Variants in SEC24D observed in about 807,000 individuals in gnomAD.
The protein encoded by SEC24D is SEC24 homolog D, COPII component.
SEC24D carries 69 observed loss-of-function variants against 116.9 expected under a neutral mutation model. The ratio of observed to expected loss-of-function variants is 0.59; its 90% confidence interval spans 0.49 to 0.72. The LOEUF (loss-of-function observed/expected upper bound fraction) is 0.72. Ranked by LOEUF, SEC24D falls within the 30% of genes least tolerant of loss-of-function variation. SEC24D has a pLI of 0.00. For missense variants in SEC24D, 1,131 were observed against 1,264.1 expected (o/e 0.89, Z 1.60); for synonymous variants, 405 against 442.8 (o/e 0.91, Z 1.07).
intron 15 of SEC24D, among the ~76,000 whole-genome samples, chr4:118,741,937 A>C (rs982186457): frequency 3.9e-5 from 6 of 152,220 alleles, no homozygotes; most frequent in Non-Finnish European, 8.8e-5. Context: ...TCAGTTTTGC[A>C]ACAACTGGAG....
intron 7 of SEC24D, among the ~76,000 whole-genome samples, chr4:118,802,439 T>G (rs558014951): frequency 4.0e-4 from 61 of 152,318 alleles, no homozygotes; most frequent in African/African-American, 1.4e-3. Context: ...CTCTATATTG[T>G]ACTTATGTCT....
At chr4:118,790,686 A>C (rs2110497158) in intron 8 of SEC24D, among the ~76,000 whole-genome samples, 1 of 152,080 alleles carries the variant, frequency 6.6e-6, no homozygotes, top group South Asian at 2.1e-4. Context: ...AATATTCCTA[A>C]GGAACATCCT....
chr4:118,765,051 T>C, intron 9 of SEC24D, 134 bp from the exon 10 acceptor site: 1 of 575,076 alleles, frequency 1.7e-6, no homozygotes. Flanking sequence ...GAATGTAGTA[T>C]ACCGTAAATA....
chr4:118,756,201 T>C (rs1238598735), intron 11 of SEC24D, among the ~76,000 whole-genome samples: 4 of 152,000 alleles, frequency 2.6e-5, no homozygotes, highest in Non-Finnish European at 4.4e-5. Flanking sequence ...ACCAACCCCA[T>C]GAGAGAGTTC....
intron 13 of SEC24D, among the ~76,000 whole-genome samples, chr4:118,748,304 G>GA (rs539358519): frequency 0.018 from 2,704 of 149,764 alleles, 73 homozygotes; most frequent in African/African-American, 0.057. Context: ...AACTCTGAGG[G>GA]AAAAAAAAAT....
In SEC24D at chr4:118,745,075, AAAC is replaced by A; in HGVS notation, c.1708-18_1708-16del. ...CAGTCTGCTGCCTAAAAAAAAAAAA[AAAC>A]CCAAAAACCCACAGAAAATGCCGTG... On this transcript the variant is annotated splice_polypyrimidine_tract_variant and intron_variant, in intron 13 of 22. Transcript: ENST00000280551. 1 of 1,426,534 alleles carries A rather than the reference AAAC, an allele frequency of 7.0e-7. No homozygotes were observed. The highest frequency in any genetic ancestry group is 9.7e-7 in the Non-Finnish European group (1 of 1,035,174). 88.4% of individuals were successfully genotyped at this position (1,426,534 alleles called of 1,614,324 possible).
intron 8 of SEC24D, among the ~76,000 whole-genome samples, chr4:118,790,326 T>C (rs527666516): frequency 6.6e-6 from 1 of 152,334 alleles, no homozygotes; most frequent in East Asian, 1.9e-4. Context: ...TAATTGCATG[T>C]ATAATTAGAC....
chr4:118,826,497 T>C (rs1382536942), intron 2 of SEC24D, among the ~76,000 whole-genome samples: 1 of 152,236 alleles, frequency 6.6e-6, no homozygotes, highest in African/African-American at 2.4e-5. Flanking sequence ...CACATTTATA[T>C]TTTCATTTTA....
At chr4:118,809,807 C>T (rs1293067757) in intron 6 of SEC24D, among the ~76,000 whole-genome samples, 4 of 152,208 alleles carry the variant, frequency 2.6e-5, no homozygotes, top group Non-Finnish European at 5.9e-5. Context: ...ACAAATAACA[C>T]ATCCAACATC....
chr4:118,736,420 AAGT>A lies in SEC24D; in HGVS notation c.2496+1838_2496+1840del, dbSNP rs1215072290. The A allele has an allele frequency of 1.9e-5, 3 of 159,538 alleles. No individual in the cohort carries two copies. In the Admixed American group the frequency reaches 2.0e-4, roughly 10 times the overall value. 9.9% of individuals were successfully genotyped at this position (159,538 alleles called of 1,614,324 possible). Reference sequence around the variant, plus strand: ...AGTTTTGGCTCCAGCAATTCAGTAAAAGTAGTTCTACTGAGGTCCAGTATCATA... The same window carrying A: ...AGTTTTGGCTCCAGCAATTCAGTAAAAGTTCTACTGAGGTCCAGTATCATA... On this transcript the variant is annotated intron_variant, in intron 19 of 22. Transcript: ENST00000280551.
chr4:118,744,918 T>G (rs1726429979), intron 14 of SEC24D, 26 bp downstream of exon 14: 3 of 1,239,242 alleles, frequency 2.4e-6, no homozygotes, highest in Non-Finnish European at 3.6e-6. Context: ...AATTGACATA[T>G]GGATACTCAA....
At chr4:118,827,000 T>C (rs921547005) in intron 2 of SEC24D, among the ~76,000 whole-genome samples, 2 of 152,166 alleles carry the variant, frequency 1.3e-5, no homozygotes, top group Non-Finnish European at 2.9e-5. Context: ...CCTGGGGGAA[T>C]TGAGAAGAGT....
At chr4:118,825,671 GAAAGAAAAAAAGAGA>G (rs921390254) in intron 2 of SEC24D, 30 of 418,374 alleles carry the variant, frequency 7.2e-5, no homozygotes, top group East Asian at 1.4e-4. Context: ...CTAGCTTCTA[GAAAGAAAAAAAGAGA>G]AAAGAAAAAA....
intron 8 of SEC24D, among the ~76,000 whole-genome samples, chr4:118,789,447 C>T (rs1185149158): frequency 5.9e-5 from 9 of 152,232 alleles, no homozygotes. Context: ...ATTTTCCTTT[C>T]TTGTTAACTC....
intron 11 of SEC24D, among the ~76,000 whole-genome samples, chr4:118,753,642 G>A (rs1726943607): frequency 6.6e-6 from 1 of 151,896 alleles, no homozygotes; most frequent in African/African-American, 2.4e-5. Context: ...TCTCGTTCCA[G>A]TCTATAGTCT....
chr4:118,778,239 G>A (rs1310159643), intron 8 of SEC24D, among the ~76,000 whole-genome samples: 2 of 152,140 alleles, frequency 1.3e-5, no homozygotes, highest in Non-Finnish European at 2.9e-5. Flanking sequence ...TATGGTTTTA[G>A]GTCTAACATT....
Position 118,824,777 on chromosome 4 carries a change from G to T in SEC24D, c.119-28C>A. On this transcript the variant is annotated intron_variant, in intron 2 of 22. Transcript: ENST00000280551. ...GCAAGAGAGGGGCATGAATTTAGAAGTGTATTAAAGTACAAAGAGAGATGA... is the reference window on the plus strand; with the variant it reads ...GCAAGAGAGGGGCATGAATTTAGAATTGTATTAAAGTACAAAGAGAGATGA... The T allele has an allele frequency of 2.6e-6, 4 of 1,544,614 alleles. No homozygotes were observed. The South Asian group carries it at 5.0e-5, about 19-fold the overall frequency.
intron 8 of SEC24D, among the ~76,000 whole-genome samples, 190 bp downstream of exon 8, chr4:118,797,493 C>T (rs1421731147): frequency 1.3e-5 from 2 of 152,212 alleles, no homozygotes; most frequent in African/African-American, 2.4e-5. Context: ...ATTTGGTGTA[C>T]AGGATGCCAA....
chr4:118,780,712 G>A (rs1281590661), intron 8 of SEC24D, among the ~76,000 whole-genome samples: 2 of 152,006 alleles, frequency 1.3e-5, no homozygotes, highest in Non-Finnish European at 2.9e-5. Flanking sequence ...TATTGTGTGG[G>A]AGTCTAAGTC....
Sources: gnomAD v4.1 joint callset for allele counts (sites outside exome capture counted in the v4.1 genomes callset) on GRCh38, gnomAD v4.1.1 for gene constraint, MANE v1.5 for transcripts, NCBI Gene and HGNC (gene_info 2026-07-23, HGNC 2026-07-21) for gene names.